Variants in U2SURP observed in about 807,000 individuals in gnomAD.
The protein encoded by U2SURP is U2 snRNP associated SURP domain containing.
In U2SURP, 9 loss-of-function variants were observed where a neutral mutation model predicts 144.9. The ratio of observed to expected loss-of-function variants is 0.06; its 90% CI spans 0.04 to 0.11. The LOEUF (loss-of-function observed/expected upper bound fraction) is 0.11, where lower values mean the gene tolerates loss of function less well. Ranked by LOEUF, U2SURP falls within the 10% of genes least tolerant of loss-of-function variation. U2SURP has a pLI of 1.00. For missense variants in U2SURP, 724 were observed against 1,226.7 expected, an observed-to-expected ratio of 0.59 and a Z score of 6.12; for synonymous variants, 408 against 396.8, an observed-to-expected ratio of 1.03 and a Z score of -0.33.
Position 143,020,617 on chromosome 3 carries a change from T to G in U2SURP, c.657T>G (p.Asp219Glu). The change falls in exon 8 of 28, where the codon GAT becomes GAG. Residue 219 changes from aspartate (D) to glutamate (E), a missense_variant. Physicochemically the swap from Asp to Glu is conservative, Grantham distance 45. This residue lies in a region of U2SURP where 115 missense variants were observed against 258.1 expected (regional missense o/e 0.45). Transcript: ENST00000473835. ...TCAACAGAATTCAAGAGGAACGTGA[T>G]GAGAGACATAAAACAAAAGGCAGAT... ...EELKQIQEER[D>E]ERHKTKGRLS... is the part of the protein sequence containing the mutation. The G allele has an allele frequency of 6.2e-7, 1 of 1,611,924 alleles. No individual in the cohort carries two copies. The highest frequency in any genetic ancestry group is 8.5e-7 in the Non-Finnish European group (1 of 1,178,870).
At chr3:143,026,686 T>G (rs2108288603) in intron 13 of U2SURP, 1 of 152,300 alleles carries the variant, frequency 6.6e-6, no homozygotes, top group Non-Finnish European at 1.5e-5. Context: ...GTCATGGTTA[T>G]AACATTTCAG....
chr3:143,029,672 G>A (rs6781080), intron 16 of U2SURP, among the ~76,000 whole-genome samples: 105,471 of 152,066 alleles, frequency 0.69, 37,021 homozygotes, highest in African/African-American at 0.82. Flanking sequence ...CTTCTCTCAC[G>A]TTAAATCAAA....
intron 5 of U2SURP, 100 bp downstream of exon 5, chr3:143,016,471 A>G: frequency 9.2e-7 from 1 of 1,083,402 alleles, no homozygotes; most frequent in African/African-American, 1.6e-5. Flanking sequence ...TAATTATGAA[A>G]GGAAGTTTGG....
chr3:143,059,411 C>T lies in U2SURP; in HGVS notation c.*2961C>T, dbSNP rs1935285374. The T allele has an allele frequency of 1.3e-5, 2 of 152,194 alleles. No individual in the cohort carries two copies. The highest frequency in any genetic ancestry group is 2.4e-5 in the African/African-American group (1 of 41,418). The allele number at this position is 152,194 out of a possible 1,614,324, so 9.4% of individuals were successfully genotyped here. On this transcript the variant is annotated 3_prime_UTR_variant, in exon 28 of 28. Coordinates refer to ENST00000473835, the MANE Select transcript of U2SURP (RefSeq NM_001080415.2). ...TATGACTTAGGTATTTCCCCCCAAA[C>T]TTTAATATTCTTGAGCACTTGAAAA...
intron 1 of U2SURP, among the ~76,000 whole-genome samples, chr3:143,010,036 C>G (rs1936042542): frequency 6.6e-6 from 1 of 152,144 alleles, no homozygotes; most frequent in Non-Finnish European, 1.5e-5. Context: ...ATTTTGGATC[C>G]CCAAGTAAAA....
Position 143,056,724 on chromosome 3 carries a change from C to G in U2SURP, c.*274C>G, listed in dbSNP as rs983888762. The G allele has an allele frequency of 1.1e-5, 3 of 278,430 alleles. No individual in the cohort carries two copies. In the Admixed American group the frequency reaches 1.4e-4, roughly 13 times the overall value. 17.2% of individuals were successfully genotyped at this position (278,430 alleles called of 1,614,324 possible). ...GAAATGTGTATAATGGATCTGCTGA[C>G]AGTAGTAGTATTTTGTTTTAGGATG... On this transcript the variant is annotated 3_prime_UTR_variant, in exon 28 of 28. Transcript: ENST00000473835.
intron 19 of U2SURP, among the ~76,000 whole-genome samples, chr3:143,035,282 A>T (rs1933751648): frequency 6.6e-6 from 1 of 152,190 alleles, no homozygotes; most frequent in African/African-American, 2.4e-5. Context: ...GGCTGGATTA[A>T]AGACATACAT....
chr3:143,014,675 G>T (rs10935477), intron 4 of U2SURP, among the ~76,000 whole-genome samples: 54,036 of 151,770 alleles, frequency 0.36, 11,242 homozygotes, highest in African/African-American at 0.59. Context: ...TGTGTGTGTA[G>T]ACACATTGTA....
At chr3:143,003,677 C>CTTTTTTTTTTTTTTTTTTTTTT (rs60505715) in intron 1 of U2SURP, among the ~76,000 whole-genome samples, 88 of 101,510 alleles carry the variant, frequency 8.7e-4, no homozygotes, top group Non-Finnish European at 1.3e-3. Flanking sequence ...TATTTTATTT[C>CTTTTTTTTTTTTTTTTTTTTTT]TTTTTTTTTT....
Position 143,010,674 on chromosome 3 carries a change from A to G in U2SURP, c.46-141A>G, listed in dbSNP as rs1578113917. 3.8e-5 allele frequency: 19 copies of G among 503,554 alleles called. No individual in the cohort carries two copies. In the East Asian group the frequency reaches 3.8e-4, roughly 10 times the overall value. The allele number at this position is 503,554 out of a possible 1,614,324, so 31.2% of individuals were successfully genotyped here. A position where few individuals can be genotyped will look rare whatever the true frequency, so the allele number is the denominator to read the frequency against. ...TTGTATCACAATCTTTTCATAAGTC[A>G]GAGACTGCCTTTGCTCAGTTTTATT... On this transcript the variant is annotated intron_variant, in intron 1 of 27. Coordinates refer to ENST00000473835, the MANE Select transcript of U2SURP (RefSeq NM_001080415.2).
intron 24 of U2SURP, among the ~76,000 whole-genome samples, chr3:143,046,055 C>T (rs1934414346): frequency 6.6e-6 from 1 of 152,082 alleles, no homozygotes; most frequent in Admixed American, 6.5e-5. Flanking sequence ...AGTTCTAAAT[C>T]AGTTTCTCCA....
chr3:143,021,215 A>T, intron 8 of U2SURP, 135 bp from the exon 9 acceptor site: 2 of 965,618 alleles, frequency 2.1e-6, no homozygotes, highest in East Asian at 2.6e-5. Context: ...ACAACAACAG[A>T]GTTGTGTGAA....
chr3:143,056,417 G>T lies in U2SURP; in HGVS notation c.3057G>T (p.Arg1019Ser). The T allele has an allele frequency of 6.2e-7, 1 of 1,612,750 alleles. No individual in the cohort carries two copies. Among genetic ancestry groups the T allele is most frequent in the African/African-American group, 1.3e-5 (1 of 74,886 alleles). Reference protein sequence around the residue: ...KSRSQSRSPHRSHKKSKKNKH With the variant: ...KSRSQSRSPHSSHKKSKKNKH Reference sequence around the variant, plus strand: ...GATCCCAGTCCAGATCTCCACACAGGTCTCATAAAAAGTCAAAGAAAAACA... The same window carrying T: ...GATCCCAGTCCAGATCTCCACACAGTTCTCATAAAAAGTCAAAGAAAAACA... Residue 1019 changes from arginine (R) to serine (S), a missense_variant, in exon 28 of 28, where the codon AGG (arginine) becomes AGT (serine). Physicochemically the swap from Arg to Ser is moderately radical, Grantham distance 110. Transcript: ENST00000473835.
Position 143,032,765 on chromosome 3 carries a change from T to G in U2SURP, c.1611-19T>G. 1 of 1,597,060 alleles carries G rather than the reference T, an allele frequency of 6.3e-7. No individual in the cohort carries two copies. Among genetic ancestry groups the G allele is most frequent in the South Asian group, 1.1e-5 (1 of 87,638 alleles). Reference sequence around the variant, plus strand: ...AAATTGTATCTAAATATTTATAAGTTAAAACAATTTATGTTCAGACAGAGG... The same window carrying G: ...AAATTGTATCTAAATATTTATAAGTGAAAACAATTTATGTTCAGACAGAGG... On this transcript the variant is annotated intron_variant, in intron 16 of 27. Transcript: ENST00000473835.
intron 1 of U2SURP, among the ~76,000 whole-genome samples, chr3:143,006,959 A>C (rs1370569206): frequency 2.6e-5 from 4 of 152,130 alleles, no homozygotes; most frequent in Non-Finnish European, 4.4e-5. Flanking sequence ...GTGTTGGAGG[A>C]ATGTTGCTGT....
Position 143,012,164 on chromosome 3 carries a change from T to C in U2SURP, c.91-58T>C, listed in dbSNP as rs1013460870. ...GGCATGGCTTATTCCTAGTTTTCAG[T>C]GCTATATATGTATATATGTGTGGTT... On this transcript the variant is annotated intron_variant, in intron 2 of 27. Transcript: ENST00000473835. 121 of 1,570,568 alleles carry C rather than the reference T, an allele frequency of 7.7e-5. 1 individual carries two copies. Among genetic ancestry groups the C allele is most frequent in the Non-Finnish European group, 9.3e-5 (107 of 1,155,590 alleles).
At chr3:143,021,162 G>A (rs1028506375) in intron 8 of U2SURP, among the ~76,000 whole-genome samples, 188 bp from the exon 9 acceptor site, 1 of 152,112 alleles carries the variant, frequency 6.6e-6, no homozygotes, top group African/African-American at 2.4e-5. Flanking sequence ...TTGCACTCCA[G>A]CCTGGGCGAC....
chr3:143,037,364 C>A (rs1344228714), intron 21 of U2SURP, 29 bp downstream of exon 21: 5 of 1,598,864 alleles, frequency 3.1e-6, no homozygotes, highest in Admixed American at 1.7e-5. Flanking sequence ...CTGATTAAAT[C>A]TAGCTAATAC....
chr3:143,043,058 G>A, intron 23 of U2SURP, 59 bp from the exon 24 acceptor site: 1 of 1,453,926 alleles, frequency 6.9e-7, no homozygotes, highest in Non-Finnish European at 9.2e-7. Flanking sequence ...TAGGTAGACT[G>A]TAAAATATGG....
Sources: gnomAD v4.1 joint callset for allele counts (sites outside exome capture counted in the v4.1 genomes callset) on GRCh38, gnomAD v4.1.1 for gene constraint, gnomAD v4.1.1 regional missense constraint, MANE v1.5 for transcripts, NCBI Gene and HGNC (gene_info 2026-07-23, HGNC 2026-07-21) for gene names.